ELAPOR1: variants seen among roughly 807,000 people sequenced by gnomAD.
ELAPOR1 encodes endosome/lysosome-associated apoptosis and autophagy regulator 1.
A neutral mutation model predicts 119.7 loss-of-function variants in ELAPOR1; 77 were observed. That is an observed-to-expected ratio of 0.64 (90% CI 0.54 to 0.78). The LOEUF is 0.78. ELAPOR1 is among the 30% of genes least tolerant of loss of function. The pLI is 0.00. For missense variants in ELAPOR1, 1,115 were observed against 1,270.4 expected (o/e 0.88, Z 1.86); for synonymous variants, 481 against 487.2 (o/e 0.99, Z 0.17).
chr1:109,145,517 A>G (rs1650120997), intron 1 of ELAPOR1, among the ~76,000 whole-genome samples: 1 of 151,876 alleles, frequency 6.6e-6, no homozygotes, highest in African/African-American at 2.4e-5. Context: ...TTAGCTGGGC[A>G]TGGTGGTGCG....
chr1:109,165,826 GC>G (rs1651566443), intron 3 of ELAPOR1, among the ~76,000 whole-genome samples: 1 of 149,846 alleles, frequency 6.7e-6, no homozygotes. Flanking sequence ...CTCGCCACAA[GC>G]CCCAGCTCCC....
In ELAPOR1 at chr1:109,189,120, G is replaced by T. The variant is rs1307741215; in HGVS notation, c.1274G>T (p.Trp425Leu). 3 of 1,614,134 alleles carry T rather than the reference G, an allele frequency of 1.9e-6. No individual in the cohort carries two copies. The highest frequency in any genetic ancestry group is 2.5e-6 in the Non-Finnish European group (3 of 1,180,018). The change falls in exon 10 of 22, where the codon TGG (tryptophan) becomes TTG (leucine). Residue 425 changes from tryptophan (W) to leucine (L), a missense_variant. Coordinates refer to ENST00000369939, the MANE Select transcript of ELAPOR1 (RefSeq NM_020775.5). ...CCTGCTGTGGGATTTGAATACAAATGGTGGAACACGCTGCCCACAAACATG... is the reference window on the plus strand; with the variant it reads ...CCTGCTGTGGGATTTGAATACAAATTGTGGAACACGCTGCCCACAAACATG... ...TEPAVGFEYK[W>L]WNTLPTNMET...
Position 109,161,958 on chromosome 1 carries a change from C to G in ELAPOR1, c.218C>G (p.Pro73Arg), listed in dbSNP as rs772692783. ...STGSRWRVAV[P>R]HTPGLCTSLP... The stretch of plus-strand genomic sequence containing the variant: ...GGTTCCAGGTGGAGGGTCGCCGTGC[C>G]GCATACCCCGGGCCTGTGCACCAGC... The change falls in exon 2 of 22, where the codon CCG becomes CGG. Residue 73 changes from proline (P) to arginine (R), a missense_variant. Coordinates refer to ENST00000369939, the MANE Select transcript of ELAPOR1 (RefSeq NM_020775.5). 3.0e-5 allele frequency: 48 copies of G among 1,613,874 alleles called. No individual in the cohort carries two copies. The highest frequency in any genetic ancestry group is 4.0e-5 in the Non-Finnish European group (47 of 1,179,910).
At chr1:109,171,773 C>A in intron 3 of ELAPOR1, 93 bp from the exon 4 acceptor site, 1 of 1,335,186 alleles carries the variant, frequency 7.5e-7, no homozygotes, top group Non-Finnish European at 1.0e-6. Flanking sequence ...CCTGAAAATT[C>A]CCAAAGACCC....
chr1:109,118,127 CAAAA>C (rs112431191), intron 1 of ELAPOR1, among the ~76,000 whole-genome samples: 1 of 137,074 alleles, frequency 7.3e-6, no homozygotes, highest in Non-Finnish European at 1.6e-5. Flanking sequence ...AACTCCGTCT[CAAAA>C]AAAAAAAGAA....
intron 14 of ELAPOR1, 135 bp downstream of exon 14, chr1:109,193,009 T>A: frequency 1.0e-6 from 1 of 952,684 alleles, no homozygotes; most frequent in Non-Finnish European, 1.6e-6. Context: ...GTTGGAGTCC[T>A]GGAGGACACC....
In ELAPOR1 at chr1:109,165,178, G is replaced by A. The variant is rs570462193; in HGVS notation, c.467+487G>A. On this transcript the variant is annotated intron_variant, in intron 3 of 21. Coordinates refer to ENST00000369939, the MANE Select transcript of ELAPOR1 (RefSeq NM_020775.5). ...GTGGTGGTGCATGTCCGTAGTCCCA[G>A]CTACTCGAGAGGCTGAGGCAAGAGG... Among the ~76,000 whole-genome samples, 11 of 152,282 alleles carry A rather than the reference G, an allele frequency of 7.2e-5. No individual in the cohort carries two copies. The East Asian group carries it at 1.7e-3, about 24-fold the overall frequency.
In ELAPOR1 at chr1:109,123,738, A is replaced by G. The variant is rs571507248; in HGVS notation, c.153+9402A>G. 7.2e-5 allele frequency among the ~76,000 whole-genome samples: 11 copies of G among 152,332 alleles called. No homozygotes were observed. The South Asian group carries it at 2.3e-3, about 32-fold the overall frequency. On this transcript the variant is annotated intron_variant, in intron 1 of 21. Coordinates refer to ENST00000369939, the MANE Select transcript of ELAPOR1 (RefSeq NM_020775.5). ...TTAAGCTCATTGTAAACATTTCATTATATCTTTCCAGCTTTCTCTCCATAC... is the reference window on the plus strand; with the variant it reads ...TTAAGCTCATTGTAAACATTTCATTGTATCTTTCCAGCTTTCTCTCCATAC...
rs1654428579 is a variant in ELAPOR1 at position 109,205,407 on chromosome 1, G to T, written c.*2395G>T. The T allele has an allele frequency of 6.6e-6, 1 of 152,248 alleles. No individual in the cohort carries two copies. Among genetic ancestry groups the T allele is most frequent in the African/African-American group, 2.4e-5 (1 of 41,462 alleles). The allele number at this position is 152,248 out of a possible 1,614,324, so 9.4% of individuals were successfully genotyped here. A position where few individuals can be genotyped will look rare whatever the true frequency, so the allele number is the denominator to read the frequency against. On this transcript the variant is annotated 3_prime_UTR_variant, in exon 22 of 22. Transcript: ENST00000369939. ...TCAATGAGAACTAGAGCCAGGCTGT[G>T]GTCCCTGGCCATCAACAGTGTTGGT...
At chr1:109,143,343 G>T (rs1483823856) in intron 1 of ELAPOR1, among the ~76,000 whole-genome samples, 3 of 152,188 alleles carry the variant, frequency 2.0e-5, no homozygotes, top group African/African-American at 2.4e-5. Context: ...CCAAGTAAAA[G>T]AAGCCAGACA....
intron 7 of ELAPOR1, among the ~76,000 whole-genome samples, chr1:109,179,769 G>A (rs1007366444): frequency 6.6e-6 from 1 of 152,050 alleles, no homozygotes; most frequent in African/African-American, 2.4e-5. Context: ...AGCTGGGTGT[G>A]GTGGCACACG....
At chr1:109,149,181 A>G (rs1330793382) in intron 1 of ELAPOR1, among the ~76,000 whole-genome samples, 1 of 152,134 alleles carries the variant, frequency 6.6e-6, no homozygotes, top group Admixed American at 6.5e-5. Flanking sequence ...GAAACTGAGG[A>G]GGGGCTAACT....
At chr1:109,174,415 A>T (rs1263393726) in intron 7 of ELAPOR1, among the ~76,000 whole-genome samples, 4 of 41,588 alleles carry the variant, frequency 9.6e-5, no homozygotes, top group African/African-American at 6.5e-4. Context: ...CCTGTCTCTA[A>T]AAAAAAAAAA....
At chr1:109,202,909 G>C in intron 21 of ELAPOR1, 35 bp from the exon 22 acceptor site, 1 of 1,612,834 alleles carries the variant, frequency 6.2e-7, no homozygotes, top group Non-Finnish European at 8.5e-7. Context: ...TTGCCCCTGT[G>C]CAGCAGCCAG....
At chr1:109,193,463 G>A (rs1302121719) in intron 14 of ELAPOR1, among the ~76,000 whole-genome samples, 1 of 152,078 alleles carries the variant, frequency 6.6e-6, no homozygotes, top group African/African-American at 2.4e-5. Context: ...GTTGTAATGA[G>A]CCGTGATTGT....
intron 1 of ELAPOR1, among the ~76,000 whole-genome samples, chr1:109,127,960 A>T (rs1419709293): frequency 6.8e-6 from 1 of 147,708 alleles, no homozygotes; most frequent in Non-Finnish European, 1.5e-5. Flanking sequence ...TGCAACCTCC[A>T]CCTCCTGGGT....
rs667524 is a variant in ELAPOR1, at chr1:109,114,324, T to C, written c.141T>C (p.His47=). 0.39 allele frequency: 628,730 copies of C among 1,593,304 alleles called. 129,140 individuals are homozygous for C. The highest frequency in any genetic ancestry group is 0.69 in the African/African-American group (51,821 of 74,580). ...QVTQGTGPEL[H]ACKESEYHYE... Reference sequence around the variant, plus strand: ...CCCAGGGAACGGGACCGGAGCTTCATGCCTGCAAAGAGGTACTGCCGCCCC... The same window carrying C: ...CCCAGGGAACGGGACCGGAGCTTCACGCCTGCAAAGAGGTACTGCCGCCCC... Residue 47 remains histidine, a synonymous_variant, in exon 1 of 22, where the codon CAT becomes CAC. Transcript: ENST00000369939.
chr1:109,143,295 A>T (rs1461299934), intron 1 of ELAPOR1, among the ~76,000 whole-genome samples: 1 of 152,234 alleles, frequency 6.6e-6, no homozygotes, highest in African/African-American at 2.4e-5. Flanking sequence ...TTAAGTACTG[A>T]TCATGCTATA....
At chr1:109,115,577 C>T (rs1023884827) in intron 1 of ELAPOR1, among the ~76,000 whole-genome samples, 1 of 152,164 alleles carries the variant, frequency 6.6e-6, no homozygotes, top group Non-Finnish European at 1.5e-5. Context: ...CTGCGCCCAG[C>T]CCAGAATATT....
Sources: allele counts gnomAD v4.1 joint callset (sites outside exome capture counted in the v4.1 genomes callset), GRCh38; gene constraint gnomAD v4.1.1; transcripts MANE v1.5; gene names NCBI Gene and HGNC (gene_info 2026-07-23, HGNC 2026-07-21).